Variants in SEC24A observed in about 807,000 individuals in gnomAD.
SEC24A encodes the protein protein transport protein Sec24A.
SEC24A carries 93 observed loss-of-function variants against 129.4 expected under a neutral mutation model. That is an observed-to-expected ratio of 0.72 (90% CI 0.61 to 0.85). The LOEUF is 0.85. Ranked by LOEUF, SEC24A falls within the 40% of genes least tolerant of loss-of-function variation. The pLI, the probability that SEC24A is intolerant of heterozygous loss-of-function variation, is 0.00. For synonymous variants in SEC24A, 460 were observed against 467.3 expected (o/e 0.98, Z 0.20); for missense variants, 1,264 against 1,307.4 (o/e 0.97, Z 0.51).
rs567925242 is a variant in SEC24A at position 134,725,242 on chromosome 5, A to C, written c.*148A>C. 3 of 552,210 alleles carry C rather than the reference A, an allele frequency of 5.4e-6. No homozygotes were observed. The East Asian group carries it at 9.4e-5, about 17-fold the overall frequency. The allele number at this position is 552,210 out of a possible 1,614,324, so 34.2% of individuals were successfully genotyped here. A position where few individuals can be genotyped will look rare whatever the true frequency, so the allele number is the denominator to read the frequency against. ...CTGTGATTTCAACAACCTATAGCAA[A>C]TAAAAGACCACAGCAGAGAATCAAA... On this transcript the variant is annotated 3_prime_UTR_variant, in exon 23 of 23. Transcript: ENST00000398844.
intron 4 of SEC24A, among the ~76,000 whole-genome samples, chr5:134,674,118 G>GT (rs1351333786): frequency 6.6e-6 from 1 of 152,110 alleles, no homozygotes; most frequent in Non-Finnish European, 1.5e-5. Context: ...GGGCGACAGA[G>GT]TGAGACTCCA....
intron 16 of SEC24A, among the ~76,000 whole-genome samples, chr5:134,705,064 TTATATTTA>T (rs1174201518): frequency 7.8e-6 from 1 of 128,092 alleles, no homozygotes; most frequent in Non-Finnish European, 1.6e-5. Flanking sequence ...TTATTTATAT[TTATATTTA>T]TATATATATA....
chr5:134,703,479 C>T (rs575481243), intron 15 of SEC24A, among the ~76,000 whole-genome samples: 2 of 152,196 alleles, frequency 1.3e-5, no homozygotes, highest in Admixed American at 1.3e-4. Flanking sequence ...TGTTATTGGC[C>T]AGGCTGATCT....
At chr5:134,715,328 C>G (rs1023176620) in intron 19 of SEC24A, among the ~76,000 whole-genome samples, 167 bp downstream of exon 19, 2 of 152,042 alleles carry the variant, frequency 1.3e-5, no homozygotes, top group Non-Finnish European at 2.9e-5. Context: ...TATAGGGAAG[C>G]TCTTAAAAAT....
At chr5:134,657,182 GCACACACACACA>G (rs70976550) in intron 1 of SEC24A, among the ~76,000 whole-genome samples, 2 of 136,214 alleles carry the variant, frequency 1.5e-5, no homozygotes, top group Non-Finnish European at 3.2e-5. Context: ...TCTGAAAAAC[GCACACACACACA>G]CACACACACA....
chr5:134,673,459 GTTTTTGTTTT>G (rs1750946580), intron 4 of SEC24A, among the ~76,000 whole-genome samples: 1 of 151,568 alleles, frequency 6.6e-6, no homozygotes, highest in Non-Finnish European at 1.5e-5. Context: ...TGTTGTTTTT[GTTTTTGTTTT>G]TGTTTTTGTT....
intron 2 of SEC24A, 67 bp downstream of exon 2, chr5:134,661,653 A>G (rs1380267723): frequency 3.5e-6 from 4 of 1,157,794 alleles, no homozygotes; most frequent in Non-Finnish European, 4.9e-6. Flanking sequence ...GATGTTTGAA[A>G]TAATACTTGA....
chr5:134,690,893 G>A (rs1008621707), intron 11 of SEC24A, among the ~76,000 whole-genome samples: 1 of 152,156 alleles, frequency 6.6e-6, no homozygotes, highest in Non-Finnish European at 1.5e-5. Flanking sequence ...GCAGTGCAGT[G>A]GCGCGATCTC....
At position 134,666,913 on chromosome 5, in the gene SEC24A, C is replaced by G; in HGVS notation, c.656C>G (p.Pro219Arg). 1 of 1,611,604 alleles carries G rather than the reference C, an allele frequency of 6.2e-7. No homozygotes were observed. Among genetic ancestry groups the G allele is most frequent in the Non-Finnish European group, 8.5e-7 (1 of 1,177,720 alleles). ...GGGCCCCCTCCAGCTGGAGGCCCAC[C>G]CCCAGTGAGGGCCCTCACGCCCCTG... is the stretch of plus-strand genomic sequence containing the variant. Reference protein sequence around the residue: ...PHGPPPAGGPPPVRALTPLTS... With the variant: ...PHGPPPAGGPRPVRALTPLTS... The change falls in exon 3 of 23, where the codon CCC becomes CGC. Residue 219 changes from proline to arginine, a missense_variant. Physicochemically the swap from Pro to Arg is moderately radical, Grantham distance 103. Coordinates refer to ENST00000398844, the MANE Select transcript of SEC24A (RefSeq NM_021982.3).
chr5:134,658,225 C>T lies in SEC24A; in HGVS notation c.98-2894C>T, dbSNP rs1487724785. Among the ~76,000 whole-genome samples, 8 of 151,974 alleles carry T rather than the reference C, an allele frequency of 5.3e-5. No homozygotes were observed. In the South Asian group the frequency reaches 6.2e-4, roughly 12 times the overall value. On this transcript the variant is annotated intron_variant, in intron 1 of 22. Transcript: ENST00000398844. ...GGCGGAGGTTGCAGTGAGCCGAGAT[C>T]GCACCACTGCACTTTAGCTTGGGCA...
intron 21 of SEC24A, among the ~76,000 whole-genome samples, chr5:134,722,816 C>T (rs953235164): frequency 1.3e-5 from 2 of 152,078 alleles, no homozygotes; most frequent in African/African-American, 4.8e-5. Context: ...CCTCCTAAAT[C>T]ATTATCTGTA....
chr5:134,718,466 G>A (rs970401998), intron 20 of SEC24A, among the ~76,000 whole-genome samples: 8 of 151,926 alleles, frequency 5.3e-5, no homozygotes, highest in Admixed American at 3.3e-4. Context: ...AACCTTAGGC[G>A]GGTCCTTGAG....
intron 13 of SEC24A, among the ~76,000 whole-genome samples, chr5:134,694,654 CAA>C (rs777547814): frequency 1.6e-5 from 2 of 123,152 alleles, no homozygotes; most frequent in Admixed American, 8.4e-5. Context: ...GACTCCGTCT[CAA>C]AAAAAAAAAA....
At position 134,674,157 on chromosome 5, in the gene SEC24A, A is replaced by G. The variant is rs1750971130; in HGVS notation, c.818-458A>G. On this transcript the variant is annotated intron_variant, in intron 4 of 22. Transcript: ENST00000398844. ...CGAAAAATAAAATGATAAATAAAAT[A>G]AAATAAATAGATTTTAGTCATTGCT... Among the ~76,000 whole-genome samples the G allele has an allele frequency of 2.0e-5, 3 of 152,250 alleles. No individual in the cohort carries two copies. The South Asian group carries it at 6.2e-4, about 32-fold the overall frequency.
intron 19 of SEC24A, among the ~76,000 whole-genome samples, chr5:134,716,873 C>T (rs1752490882): frequency 1.4e-5 from 2 of 144,276 alleles, no homozygotes; most frequent in Admixed American, 6.9e-5. Context: ...TTTGAGGTAA[C>T]TTTTTTACTT....
intron 15 of SEC24A, among the ~76,000 whole-genome samples, chr5:134,700,919 C>T (rs1751987811): frequency 6.6e-6 from 1 of 151,954 alleles, no homozygotes; most frequent in African/African-American, 2.4e-5. Context: ...AGGGTTTCAC[C>T]ATGTTAGCCA....
At position 134,682,448 on chromosome 5, in the gene SEC24A, C is replaced by A. The variant is rs890662443; in HGVS notation, c.1457C>A (p.Ala486Asp). 1 of 1,605,436 alleles carries A rather than the reference C, an allele frequency of 6.2e-7. No homozygotes were observed. The highest frequency in any genetic ancestry group is 8.5e-7 in the Non-Finnish European group (1 of 1,172,370). The change falls in exon 9 of 23, where the codon GCT becomes GAT. Residue 486 changes from alanine to aspartate, a missense_variant. Ala to Asp is a moderately radical substitution (Grantham distance 126, BLOSUM62 -2). Coordinates refer to ENST00000398844, the MANE Select transcript of SEC24A (RefSeq NM_021982.3). ...EPHRRPEVQN[A>D]TIEFMAPSEY... Reference sequence around the variant, plus strand: ...CACAGAAGACCAGAAGTTCAAAATGCTACTATTGAGTTTATGGCTCCTTCA... The same window carrying A: ...CACAGAAGACCAGAAGTTCAAAATGATACTATTGAGTTTATGGCTCCTTCA...
chr5:134,673,543 C>T lies in SEC24A; in HGVS notation c.818-1072C>T, dbSNP rs191511536. On this transcript the variant is annotated intron_variant, in intron 4 of 22. Transcript: ENST00000398844. ...AGTGGGCACAATCTCGGCTCACCTC[C>T]ACCTCCTGGATTCAAGCAGTTCTAC... is the stretch of plus-strand genomic sequence containing the variant. Among the ~76,000 whole-genome samples the T allele has an allele frequency of 7.7e-3, 1,173 of 152,134 alleles. 4 individuals are homozygous for T. Among genetic ancestry groups the T allele is most frequent in the Non-Finnish European group, 0.013 (889 of 67,986 alleles).
Position 134,671,800 on chromosome 5 carries a change from C to T in SEC24A, c.740-9C>T. 6.5e-7 allele frequency: 1 copy of T among 1,534,912 alleles called. No individual in the cohort carries two copies. The highest frequency in any genetic ancestry group is 8.9e-7 in the Non-Finnish European group (1 of 1,129,926). ...TAATTAAAATCTTGTTGATGAACTTCCTTCTTAGGTATTACATCAAATACC... is the reference window on the plus strand; with the variant it reads ...TAATTAAAATCTTGTTGATGAACTTTCTTCTTAGGTATTACATCAAATACC... On this transcript the variant is annotated splice_polypyrimidine_tract_variant and intron_variant, in intron 3 of 22. Transcript: ENST00000398844.
Sources: gnomAD v4.1 joint callset for allele counts (sites outside exome capture counted in the v4.1 genomes callset) on GRCh38, gnomAD v4.1.1 for gene constraint, MANE v1.5 for transcripts, NCBI Gene and HGNC (gene_info 2026-07-23, HGNC 2026-07-21) for gene names.